RASSF9: variants seen among roughly 807,000 people sequenced by gnomAD.
RASSF9 encodes Ras association domain family member 9.
In RASSF9, 18 loss-of-function variants were observed where a neutral mutation model predicts 21.4. The ratio of observed to expected loss-of-function variants is 0.84; its 90% confidence interval spans 0.58 to 1.25. The LOEUF is 1.25. Among genes scored for constraint, RASSF9 ranks in the 50% most tolerant of loss-of-function variants. The pLI is 0.00. For synonymous variants in RASSF9, 183 were observed against 179.1 expected, an observed-to-expected ratio of 1.02 and a Z score of -0.18; for missense variants, 480 against 503.2, an observed-to-expected ratio of 0.95 and a Z score of 0.44.
chr12:85,822,798 G>A (rs1880239816), intron 1 of RASSF9, among the ~76,000 whole-genome samples: 1 of 151,864 alleles, frequency 6.6e-6, no homozygotes, highest in Non-Finnish European at 1.5e-5. Flanking sequence ...AAGAACCTTC[G>A]CTTGACCACA....
In RASSF9 at chr12:85,801,261, C is replaced by T. The variant is rs1879693357; in HGVS notation, c.*3441G>A. The T allele has an allele frequency of 6.6e-6, 1 of 151,948 alleles. No individual in the cohort carries two copies. Among genetic ancestry groups the T allele is most frequent in the African/African-American group, 2.4e-5 (1 of 41,372 alleles). The allele number at this position is 151,948 out of a possible 1,614,324, so 9.4% of individuals were successfully genotyped here. ...ACATTGATGCCACATTTAAAAAAAT[C>T]GTAGTAGCATGAAGATTTAATTTTT... is the stretch of plus-strand genomic sequence containing the variant. On this transcript the variant is annotated 3_prime_UTR_variant, in exon 2 of 2. Coordinates refer to ENST00000361228, the MANE Select transcript of RASSF9 (RefSeq NM_005447.4).
At chr12:85,834,098 CT>C (rs1327083140) in intron 1 of RASSF9, among the ~76,000 whole-genome samples, 1 of 151,986 alleles carries the variant, frequency 6.6e-6, no homozygotes, top group Admixed American at 6.6e-5. Context: ...AATATTAATT[CT>C]ATTTCAATAC....
chr12:85,831,628 A>T (rs1880453490), intron 1 of RASSF9, among the ~76,000 whole-genome samples: 2 of 151,930 alleles, frequency 1.3e-5, no homozygotes, highest in Admixed American at 6.6e-5. Context: ...AATTTTGAAG[A>T]TTTACATACT....
At position 85,804,767 on chromosome 12, in the gene RASSF9, T is replaced by C; in HGVS notation, c.1243A>G (p.Ile415Val). The change falls in exon 2 of 2, where the codon ATC (isoleucine) becomes GTC (valine). Residue 415 changes from isoleucine (I) to valine (V), a missense_variant. Physicochemically the swap from Ile to Val is conservative, Grantham distance 29. Coordinates refer to ENST00000361228, the MANE Select transcript of RASSF9 (RefSeq NM_005447.4). ...GAGTCCTGACTGTGGTTAGAACTGATACCAGTGTCCGAGTCTGTGTCATTT... is the reference window on the plus strand; with the variant it reads ...GAGTCCTGACTGTGGTTAGAACTGACACCAGTGTCCGAGTCTGTGTCATTT... ...YTNDTDSDTGISSNHSQDSET... is the reference protein window; with the variant it reads ...YTNDTDSDTGVSSNHSQDSET... The C allele has an allele frequency of 9.3e-6, 15 of 1,613,932 alleles. No individual in the cohort carries two copies. The highest frequency in any genetic ancestry group is 1.3e-5 in the Non-Finnish European group (15 of 1,179,788).
rs1309588415 is a variant in RASSF9 at position 85,805,472 on chromosome 12, G to A, written c.538C>T (p.Arg180Ter). 5 of 1,613,852 alleles carry A rather than the reference G, an allele frequency of 3.1e-6. No homozygotes were observed. The South Asian group carries it at 3.3e-5, about 11-fold the overall frequency. ...KIKQDTVSHD[R>*]DNMETLVHLI... The stretch of plus-strand genomic sequence containing the variant: ...TGAACTAATGTCTCCATATTATCTC[G>A]ATCATGAGAAACTGTGTCCTGCTTA... The change falls in exon 2 of 2, where the codon CGA becomes TGA. Residue 180 changes from arginine to a stop codon, truncating the protein, a stop_gained. Transcript: ENST00000361228. LOFTEE classifies it high-confidence loss of function.
At chr12:85,827,050 A>C (rs2136562258) in intron 1 of RASSF9, among the ~76,000 whole-genome samples, 1 of 152,226 alleles carries the variant, frequency 6.6e-6, no homozygotes, top group Middle Eastern at 3.4e-3. Context: ...AAACCCACAG[A>C]GGTTGCTTCT....
At chr12:85,810,304 A>G (rs1037897467) in intron 1 of RASSF9, among the ~76,000 whole-genome samples, 3 of 151,390 alleles carry the variant, frequency 2.0e-5, no homozygotes, top group Middle Eastern at 3.4e-3. Context: ...ATACAAAGAC[A>G]TGTGTGATTT....
In RASSF9 at chr12:85,827,173, G is replaced by A. The variant is rs532785070; in HGVS notation, c.47+8982C>T. Among the ~76,000 whole-genome samples, 59 of 152,266 alleles carry A rather than the reference G, an allele frequency of 3.9e-4. No homozygotes were observed. The South Asian group carries it at 0.012, about 30-fold the overall frequency. ...GCATCTGAAACTTAGCAAGGCTAGA[G>A]AAGAATCACTAATTTTCCACACATT... On this transcript the variant is annotated intron_variant, in intron 1 of 1. Coordinates refer to ENST00000361228, the MANE Select transcript of RASSF9 (RefSeq NM_005447.4).
At chr12:85,827,281 C>T (rs1880353881) in intron 1 of RASSF9, among the ~76,000 whole-genome samples, 1 of 152,132 alleles carries the variant, frequency 6.6e-6, no homozygotes, top group Non-Finnish European at 1.5e-5. Flanking sequence ...TTTTCATCTT[C>T]ACTCACTCAG....
chr12:85,815,001 C>T (rs547532855), intron 1 of RASSF9, among the ~76,000 whole-genome samples: 2 of 152,094 alleles, frequency 1.3e-5, no homozygotes, highest in African/African-American at 4.8e-5. Flanking sequence ...CTTATATGCC[C>T]TCCTTGAAGT....
intron 1 of RASSF9, among the ~76,000 whole-genome samples, 166 bp from the exon 2 acceptor site, chr12:85,806,128 G>C (rs1253305372): frequency 6.6e-6 from 1 of 151,826 alleles, no homozygotes; most frequent in Non-Finnish European, 1.5e-5. Context: ...CTCACTGCAA[G>C]CTCCGCTTCT....
intron 1 of RASSF9, among the ~76,000 whole-genome samples, chr12:85,822,996 C>G (rs1000749992): frequency 6.6e-6 from 1 of 152,018 alleles, no homozygotes; most frequent in Admixed American, 6.6e-5. Context: ...GTCAGGAGAT[C>G]GAGACCATCC....
chr12:85,821,519 T>C (rs1880210570), intron 1 of RASSF9, among the ~76,000 whole-genome samples: 1 of 152,136 alleles, frequency 6.6e-6, no homozygotes. Context: ...CCATTAACAT[T>C]TTTTAAAAAT....
chr12:85,833,077 A>G (rs777678206), intron 1 of RASSF9, among the ~76,000 whole-genome samples: 3 of 148,606 alleles, frequency 2.0e-5, no homozygotes, highest in Non-Finnish European at 3.0e-5. Context: ...AAATTGTTGA[A>G]CTAAATAATC....
intron 1 of RASSF9, among the ~76,000 whole-genome samples, chr12:85,829,208 A>T (rs1880398189): frequency 6.6e-6 from 1 of 152,156 alleles, no homozygotes. Flanking sequence ...GCATATCAAT[A>T]GGCCTCTCAC....
At chr12:85,829,135 G>A (rs936386441) in intron 1 of RASSF9, among the ~76,000 whole-genome samples, 1 of 152,082 alleles carries the variant, frequency 6.6e-6, no homozygotes, top group Non-Finnish European at 1.5e-5. Flanking sequence ...GTAACTAAAG[G>A]TATATGAGGT....
Position 85,804,571 on chromosome 12 carries a change from C to A in RASSF9, c.*131G>T, listed in dbSNP as rs1264977537. On this transcript the variant is annotated 3_prime_UTR_variant, in exon 2 of 2. Transcript: ENST00000361228. ...TTCACATCAGAAACAACACATTTCT[C>A]GAGTTTTTATTAACTATTGAATACT... 9.8e-6 allele frequency: 9 copies of A among 918,134 alleles called. No homozygotes were observed. The East Asian group carries it at 2.6e-4, about 26-fold the overall frequency. 56.9% of individuals were successfully genotyped at this position (918,134 alleles called of 1,614,324 possible).
At chr12:85,826,822 A>G (rs913885709) in intron 1 of RASSF9, among the ~76,000 whole-genome samples, 1 of 152,172 alleles carries the variant, frequency 6.6e-6, no homozygotes. Context: ...TTTCTTGCTC[A>G]TAGCCCTTCA....
chr12:85,805,051 C>T lies in RASSF9; in HGVS notation c.959G>A (p.Cys320Tyr), dbSNP rs748735054. 1.9e-6 allele frequency: 3 copies of T among 1,614,004 alleles called. No individual in the cohort carries two copies. The highest frequency in any genetic ancestry group is 2.2e-5 in the South Asian group (2 of 91,084). Residue 320 changes from cysteine (C) to tyrosine (Y), a missense_variant, in exon 2 of 2, where the codon TGT becomes TAT. Transcript: ENST00000361228. ...AGCTTTCATGCTTTTCTCCAAATCACACTTAACACTCTCTAAATTAGAGCT... is the reference window on the plus strand; with the variant it reads ...AGCTTTCATGCTTTTCTCCAAATCATACTTAACACTCTCTAAATTAGAGCT... ...LESSNLESVK[C>Y]DLEKSMKAGL... is the part of the protein sequence containing the mutation.
Sources: gnomAD v4.1 joint callset for allele counts (sites outside exome capture counted in the v4.1 genomes callset) on GRCh38, gnomAD v4.1.1 for gene constraint, MANE v1.5 for transcripts, NCBI Gene and HGNC (gene_info 2026-07-23, HGNC 2026-07-21) for gene names.